Variants in PRSS48 observed in about 807,000 individuals in gnomAD.
PRSS48 encodes serine protease 48.
PRSS48 carries 21 observed loss-of-function variants against 25.6 expected under a neutral mutation model. That is an observed-to-expected ratio of 0.82 (90% CI 0.58 to 1.18). The LOEUF (loss-of-function observed/expected upper bound fraction) is 1.18. Among genes scored for constraint, PRSS48 ranks in the 50% most tolerant of loss-of-function variants. PRSS48 has a pLI of 0.00. For synonymous variants in PRSS48, 150 were observed against 149.3 expected (o/e 1.00, Z -0.04); for missense variants, 373 against 399.3 (o/e 0.93, Z 0.56).
intron 4 of PRSS48, among the ~76,000 whole-genome samples, chr4:151,286,934 C>T (rs1774847280): frequency 6.6e-6 from 1 of 151,024 alleles, no homozygotes; most frequent in South Asian, 2.1e-4. Flanking sequence ...GAGCCGAGAT[C>T]GCGCCACTGC....
chr4:151,285,857 A>G (rs1163111979), intron 4 of PRSS48, among the ~76,000 whole-genome samples: 1 of 151,796 alleles, frequency 6.6e-6, no homozygotes, highest in Admixed American at 6.6e-5. Flanking sequence ...ACAGAGCAAG[A>G]CTCTGTGGCT....
At chr4:151,285,920 T>A (rs1774709765) in intron 4 of PRSS48, among the ~76,000 whole-genome samples, 1 of 151,372 alleles carries the variant, frequency 6.6e-6, no homozygotes, top group Admixed American at 6.6e-5. Context: ...AAAGGCTGGG[T>A]GTGATGGCAC....
At chr4:151,285,267 T>C (rs1006069284) in intron 4 of PRSS48, among the ~76,000 whole-genome samples, 1 of 152,212 alleles carries the variant, frequency 6.6e-6, no homozygotes, top group Non-Finnish European at 1.5e-5. Context: ...TAAGAAATTT[T>C]AAAAACAGAA....
chr4:151,289,788 C>T (rs1461872366), intron 4 of PRSS48, among the ~76,000 whole-genome samples: 1 of 152,104 alleles, frequency 6.6e-6, no homozygotes, highest in Non-Finnish European at 1.5e-5. Context: ...CATACAAAAA[C>T]TTGCACGTGA....
At chr4:151,289,213 C>T (rs1485529940) in intron 4 of PRSS48, among the ~76,000 whole-genome samples, 1 of 152,140 alleles carries the variant, frequency 6.6e-6, no homozygotes, top group East Asian at 1.9e-4. Flanking sequence ...ACCCTGACCT[C>T]GCCATATAAC....
intron 4 of PRSS48, among the ~76,000 whole-genome samples, chr4:151,288,421 G>A (rs1177081693): frequency 1.3e-5 from 2 of 152,152 alleles, no homozygotes; most frequent in African/African-American, 4.8e-5. Context: ...AACACATTCA[G>A]CAAAACTGAA....
At chr4:151,286,587 T>C (rs1774808660) in intron 4 of PRSS48, among the ~76,000 whole-genome samples, 2 of 149,496 alleles carry the variant, frequency 1.3e-5, no homozygotes, top group Non-Finnish European at 3.0e-5. Context: ...AGTAAAGAGA[T>C]TGCATTTGTG....
intron 1 of PRSS48, chr4:151,279,045 G>T: frequency 2.6e-6 from 1 of 382,034 alleles, no homozygotes; most frequent in Admixed American, 3.2e-5. Context: ...TATGTAGTGT[G>T]CTGTTGTCAG....
At chr4:151,278,257 T>C (rs1773840699) in intron 1 of PRSS48, among the ~76,000 whole-genome samples, 1 of 152,080 alleles carries the variant, frequency 6.6e-6, no homozygotes, top group African/African-American at 2.4e-5. Flanking sequence ...AAAGCTAAAT[T>C]TGAATCTTCA....
At chr4:151,289,184 T>C (rs559481189) in intron 4 of PRSS48, among the ~76,000 whole-genome samples, 12 of 152,282 alleles carry the variant, frequency 7.9e-5, no homozygotes, top group African/African-American at 2.6e-4. Flanking sequence ...GACAACCACA[T>C]GCAAAAGAAT....
At chr4:151,278,757 A>G (rs1401453733) in intron 1 of PRSS48, among the ~76,000 whole-genome samples, 2 of 152,088 alleles carry the variant, frequency 1.3e-5, no homozygotes, top group African/African-American at 2.4e-5. Flanking sequence ...CAGCCTCCCA[A>G]GTAGCTGGGA....
At chr4:151,279,691 G>A (rs1005171261) in intron 1 of PRSS48, 105 bp from the exon 2 acceptor site, 5 of 1,109,928 alleles carry the variant, frequency 4.5e-6, no homozygotes, top group East Asian at 4.8e-5. Flanking sequence ...TCTAGGGAGG[G>A]TTCAGGTCCT....
At chr4:151,286,154 C>T (rs1277840047) in intron 4 of PRSS48, among the ~76,000 whole-genome samples, 2 of 122,098 alleles carry the variant, frequency 1.6e-5, no homozygotes, top group East Asian at 5.4e-4. Context: ...GTGCTCCAGG[C>T]TGGGTGACAC....
At chr4:151,280,005 A>C (rs1399147249) in intron 2 of PRSS48, 47 bp downstream of exon 2, 1 of 1,272,674 alleles carries the variant, frequency 7.9e-7, no homozygotes, top group Admixed American at 2.5e-5. Context: ...CTCAGTGAAT[A>C]TTTGCATCAC....
At chr4:151,284,276 T>C (rs1411132057) in intron 4 of PRSS48, among the ~76,000 whole-genome samples, 1 of 152,238 alleles carries the variant, frequency 6.6e-6, no homozygotes, top group Non-Finnish European at 1.5e-5. Context: ...TTTCTCTCTG[T>C]TCTTCAAATT....
intron 4 of PRSS48, among the ~76,000 whole-genome samples, chr4:151,286,852 T>A (rs913086139): frequency 1.3e-5 from 2 of 151,718 alleles, no homozygotes; most frequent in Non-Finnish European, 2.9e-5. Flanking sequence ...TGGTGGCATG[T>A]GCCTGTATTC....
At chr4:151,279,473 A>G (rs1773975858) in intron 1 of PRSS48, among the ~76,000 whole-genome samples, 1 of 152,252 alleles carries the variant, frequency 6.6e-6, no homozygotes, top group Admixed American at 6.5e-5. Context: ...TTTAACACCA[A>G]TCTGGAAAAT....
At chr4:151,284,514 A>G (rs1191334248) in intron 4 of PRSS48, among the ~76,000 whole-genome samples, 1 of 152,202 alleles carries the variant, frequency 6.6e-6, no homozygotes, top group Non-Finnish European at 1.5e-5. Context: ...GATCACAGTT[A>G]TAATAGTTGC....
At chr4:151,290,817 T>A (rs1176948348) in intron 4 of PRSS48, among the ~76,000 whole-genome samples, 5 of 152,248 alleles carry the variant, frequency 3.3e-5, no homozygotes, top group African/African-American at 1.2e-4. Flanking sequence ...AGGCAGTTCA[T>A]TCATTTGAAT....
Sources: allele counts gnomAD v4.1 joint callset (sites outside exome capture counted in the v4.1 genomes callset), GRCh38; gene constraint gnomAD v4.1.1; transcripts MANE v1.5; gene names NCBI Gene and HGNC (gene_info 2026-07-23, HGNC 2026-07-21).